Variants in LRMDA observed in about 807,000 individuals in gnomAD.
The protein encoded by LRMDA is leucine rich melanocyte differentiation associated.
A neutral mutation model predicts 29.8 loss-of-function variants in LRMDA; 18 were observed. That is an observed-to-expected ratio of 0.60 (90% CI 0.42 to 0.90). The LOEUF is 0.90. Ranked by LOEUF, LRMDA falls within the 40% of genes least tolerant of loss-of-function variation. The pLI is 0.00. For missense variants in LRMDA, 273 were observed against 273.9 expected (o/e 1.00, Z 0.02); for synonymous variants, 125 against 109.4 (o/e 1.14, Z -0.89).
At chr10:76,488,119 G>A (rs1359294644) in intron 6 of LRMDA, among the ~76,000 whole-genome samples, 1 of 151,530 alleles carries the variant, frequency 6.6e-6, no homozygotes, top group Non-Finnish European at 1.5e-5. Flanking sequence ...CTTATTTTTG[G>A]AGATCTTCAT....
At chr10:75,434,453 C>G (rs1844242959) in intron 1 of LRMDA, among the ~76,000 whole-genome samples, 1 of 152,106 alleles carries the variant, frequency 6.6e-6, no homozygotes. Flanking sequence ...AGTGTTAGCC[C>G]AGTTGCAGAA....
chr10:76,422,824 C>T (rs1842084059), intron 6 of LRMDA, among the ~76,000 whole-genome samples: 1 of 152,164 alleles, frequency 6.6e-6, no homozygotes, highest in East Asian at 1.9e-4. Flanking sequence ...GCCAACTTTG[C>T]CTTTGAATCT....
intron 2 of LRMDA, among the ~76,000 whole-genome samples, chr10:75,821,321 C>G (rs1589218207): frequency 6.6e-6 from 1 of 152,208 alleles, no homozygotes; most frequent in Non-Finnish European, 1.5e-5. Context: ...ATACTGTGAT[C>G]AGGTGGGTTT....
rs146178724 is a variant in LRMDA at position 76,432,754 on chromosome 10, G to T, written c.601+108269G>T. 2.8e-4 allele frequency among the ~76,000 whole-genome samples: 43 copies of T among 152,318 alleles called. No individual in the cohort carries two copies. The South Asian group carries it at 6.0e-3, about 21-fold the overall frequency. On this transcript the variant is annotated intron_variant, in intron 6 of 6. Transcript: ENST00000611255. ...CACTGGCTCATGTCACTGCCAGTTA[G>T]TCATGGACCCTAGCCTTGAAATTGC...
At chr10:75,453,056 C>T (rs1176087640) in intron 2 of LRMDA, among the ~76,000 whole-genome samples, 1 of 152,080 alleles carries the variant, frequency 6.6e-6, no homozygotes, top group Non-Finnish European at 1.5e-5. Context: ...GTAATGTTAC[C>T]TGGAACTTCA....
chr10:76,161,642 G>A (rs1470102601), intron 5 of LRMDA, among the ~76,000 whole-genome samples: 1 of 152,158 alleles, frequency 6.6e-6, no homozygotes, highest in Admixed American at 6.6e-5. Flanking sequence ...AGACTACAAC[G>A]CATGAAACAA....
intron 2 of LRMDA, among the ~76,000 whole-genome samples, chr10:75,796,911 A>G (rs967159836): frequency 6.6e-5 from 10 of 152,222 alleles, no homozygotes; most frequent in African/African-American, 2.4e-4. Flanking sequence ...TGTTCATGAT[A>G]AAAAATTGTG....
At chr10:76,483,096 T>A (rs1842747957) in intron 6 of LRMDA, among the ~76,000 whole-genome samples, 1 of 152,010 alleles carries the variant, frequency 6.6e-6, no homozygotes, top group African/African-American at 2.4e-5. Flanking sequence ...TATTATGTCC[T>A]AGTTTCAAGT....
intron 2 of LRMDA, among the ~76,000 whole-genome samples, chr10:75,932,090 A>G (rs1452854455): frequency 6.6e-6 from 1 of 152,200 alleles, no homozygotes; most frequent in African/African-American, 2.4e-5. Flanking sequence ...ATCAATAACA[A>G]GTTTTTTGGG....
At chr10:75,447,550 A>G (rs763398364) in intron 2 of LRMDA, among the ~76,000 whole-genome samples, 15 of 152,158 alleles carry the variant, frequency 9.9e-5, no homozygotes, top group Non-Finnish European at 2.2e-4. Flanking sequence ...AGTTTCACTT[A>G]GAAGACTTTG....
chr10:76,426,449 G>A (rs1194433096), intron 6 of LRMDA, among the ~76,000 whole-genome samples: 1 of 152,130 alleles, frequency 6.6e-6, no homozygotes, highest in Non-Finnish European at 1.5e-5. Flanking sequence ...TGATGGAGTT[G>A]TTTGTTTTTT....
At chr10:76,107,557 T>C (rs1849507186) in intron 5 of LRMDA, among the ~76,000 whole-genome samples, 2 of 152,170 alleles carry the variant, frequency 1.3e-5, no homozygotes, top group Admixed American at 1.3e-4. Flanking sequence ...TCTGTGCTAG[T>C]TACCTCTGTC....
chr10:75,869,892 A>C (rs928530688), intron 2 of LRMDA, among the ~76,000 whole-genome samples: 2 of 152,110 alleles, frequency 1.3e-5, no homozygotes, highest in African/African-American at 4.8e-5. Flanking sequence ...CTCCAAAGAT[A>C]ATTTCCTGTG....
At chr10:75,461,728 G>A (rs1424130132) in intron 2 of LRMDA, among the ~76,000 whole-genome samples, 2 of 152,228 alleles carry the variant, frequency 1.3e-5, no homozygotes, top group Non-Finnish European at 2.9e-5. Flanking sequence ...CCAAACACAG[G>A]AAAACTTGCA....
At chr10:76,396,907 A>G (rs1841790871) in intron 6 of LRMDA, among the ~76,000 whole-genome samples, 1 of 152,118 alleles carries the variant, frequency 6.6e-6, no homozygotes, top group South Asian at 2.1e-4. Context: ...TCACATTCTC[A>G]TTGCTGCAGG....
At chr10:75,855,914 A>T (rs1844817781) in intron 2 of LRMDA, among the ~76,000 whole-genome samples, 1 of 152,080 alleles carries the variant, frequency 6.6e-6, no homozygotes, top group Non-Finnish European at 1.5e-5. Context: ...GTTCTGTTCC[A>T]TTGGCCTATA....
chr10:76,329,511 A>C (rs1474374120), intron 6 of LRMDA, among the ~76,000 whole-genome samples: 1 of 152,248 alleles, frequency 6.6e-6, no homozygotes, highest in East Asian at 1.9e-4. Flanking sequence ...AAGAAAAAAA[A>C]TGAAGAGGAA....
At chr10:76,383,746 A>T (rs1049962546) in intron 6 of LRMDA, among the ~76,000 whole-genome samples, 1 of 152,004 alleles carries the variant, frequency 6.6e-6, no homozygotes, top group Non-Finnish European at 1.5e-5. Context: ...TGTCTTTTCT[A>T]CATAGAACTA....
chr10:75,604,318 G>A (rs1840927138), intron 2 of LRMDA, among the ~76,000 whole-genome samples: 1 of 152,128 alleles, frequency 6.6e-6, no homozygotes, highest in South Asian at 2.1e-4. Context: ...TTTCCTTGGG[G>A]TGAAATATAG....
Sources: allele counts gnomAD v4.1 joint callset (sites outside exome capture counted in the v4.1 genomes callset), GRCh38; gene constraint gnomAD v4.1.1; transcripts MANE v1.5; gene names NCBI Gene and HGNC (gene_info 2026-07-23, HGNC 2026-07-21).